PIGN: variants seen among roughly 807,000 people sequenced by gnomAD.
PIGN encodes the protein phosphatidylinositol glycan anchor biosynthesis class N.
PIGN carries 117 observed loss-of-function variants against 125.4 expected under a neutral mutation model. That is an observed-to-expected ratio of 0.93 (90% CI 0.80 to 1.09). PIGN has a LOEUF of 1.09. Among genes scored for constraint, PIGN ranks in the 50% least tolerant of loss-of-function variants. The pLI is 0.00. For synonymous variants in PIGN, 392 were observed against 377.8 expected (o/e 1.04, Z -0.44); for missense variants, 1,075 against 1,094.9 (o/e 0.98, Z 0.26).
At chr18:62,105,287 CA>C (rs200304462) in intron 20 of PIGN, 337 of 254,932 alleles carry the variant, frequency 1.3e-3, no homozygotes, top group East Asian at 2.2e-3. Context: ...TAGACTTAAA[CA>C]AAAAAAAATG....
chr18:62,125,791 T>G (rs1385525193), intron 14 of PIGN, among the ~76,000 whole-genome samples: 1 of 152,048 alleles, frequency 6.6e-6, no homozygotes, highest in African/African-American at 2.4e-5. Context: ...AAAAAACTTT[T>G]TTAAGTCTTG....
Position 62,102,812 on chromosome 18 carries a change from T to A in PIGN, c.1950A>T (p.Leu650=), listed in dbSNP as rs1324250879. The A allele has an allele frequency of 6.5e-7, 1 of 1,536,902 alleles. No homozygotes were observed. The change falls in exon 21 of 31, where the codon CTA becomes CTT. Residue 650 remains leucine (L), a synonymous_variant. Transcript: ENST00000640252. ...AACTGACCTGTAACAGATGTACCAA[T>A]AGCTCTTCCTTTATAAAGCTATCTT... is the stretch of plus-strand genomic sequence containing the variant. ...KRKDSFIKEE[L]LVHLLQVLST... is the part of the protein sequence containing the mutation.
rs1347174221 is a variant in PIGN at position 62,120,117 on chromosome 18, A to C, written c.1173-5478T>G. Among the ~76,000 whole-genome samples the C allele has an allele frequency of 3.3e-5, 5 of 152,166 alleles. No individual in the cohort carries two copies. In the South Asian group the frequency reaches 8.3e-4, roughly 25 times the overall value. ...GATTTAAGAACATCTACAAACCCCA[A>C]GCAAAATAAGTACAAAGAAAACCAT... On this transcript the variant is annotated intron_variant, in intron 14 of 30. Coordinates refer to ENST00000640252, the MANE Select transcript of PIGN (RefSeq NM_176787.5).
intron 14 of PIGN, among the ~76,000 whole-genome samples, chr18:62,125,787 CTTT>C (rs555342532): frequency 2.0e-4 from 30 of 152,010 alleles, no homozygotes; most frequent in Admixed American, 2.0e-4. Context: ...TACGAAAAAA[CTTT>C]TTTAAGTCTT....
intron 16 of PIGN, 38 bp downstream of exon 16, chr18:62,113,096 T>C: frequency 1.3e-6 from 2 of 1,496,684 alleles, no homozygotes; most frequent in Non-Finnish European, 1.8e-6. Context: ...CTAGTGATTT[T>C]ATACCATCAT....
chr18:62,062,725 A>G (rs563113011), intron 30 of PIGN, among the ~76,000 whole-genome samples: 18 of 152,182 alleles, frequency 1.2e-4, no homozygotes, highest in Non-Finnish European at 2.1e-4. Flanking sequence ...ATATGTATAC[A>G]TAAATCATTG....
At chr18:62,140,579 G>A (rs2036098286) in intron 11 of PIGN, 100 bp from the exon 12 acceptor site, 2 of 585,326 alleles carry the variant, frequency 3.4e-6, no homozygotes, top group African/African-American at 1.9e-5. Flanking sequence ...CATGATATTT[G>A]TTATAATCAG....
intron 7 of PIGN, among the ~76,000 whole-genome samples, chr18:62,148,584 AT>A (rs2036421374): frequency 6.6e-6 from 1 of 152,166 alleles, no homozygotes; most frequent in East Asian, 1.9e-4. Flanking sequence ...GGGGATCATA[AT>A]TTCATAGAGA....
Position 62,044,545 on chromosome 18 carries a change from T to C in PIGN, c.*1311A>G, listed in dbSNP as rs1002555942. 1.3e-5 allele frequency: 2 copies of C among 152,208 alleles called. No homozygotes were observed. Among genetic ancestry groups the C allele is most frequent in the African/African-American group, 4.8e-5 (2 of 41,448 alleles). 9.4% of individuals were successfully genotyped at this position (152,208 alleles called of 1,614,324 possible). A position where few individuals can be genotyped will look rare whatever the true frequency, so the allele number is the denominator to read the frequency against. On this transcript the variant is annotated 3_prime_UTR_variant, in exon 31 of 31. Transcript: ENST00000640252. ...GTTCTTTCACTGGTATACCATAAAG[T>C]AGTATTACAAATAAATTATGACTAT... is the stretch of plus-strand genomic sequence containing the variant.
At chr18:62,178,761 A>C (rs1488135585) in intron 1 of PIGN, among the ~76,000 whole-genome samples, 1 of 152,178 alleles carries the variant, frequency 6.6e-6, no homozygotes, top group Non-Finnish European at 1.5e-5. Context: ...TGTCATTTTT[A>C]ATTGTAAACT....
intron 1 of PIGN, among the ~76,000 whole-genome samples, chr18:62,182,596 A>G (rs1311612014): frequency 1.3e-5 from 2 of 152,226 alleles, no homozygotes; most frequent in Non-Finnish European, 2.9e-5. Context: ...TCTTATGCGA[A>G]CTACTGCAAT....
chr18:62,133,210 G>A (rs1212693200), intron 14 of PIGN, among the ~76,000 whole-genome samples: 1 of 152,190 alleles, frequency 6.6e-6, no homozygotes, highest in East Asian at 1.9e-4. Flanking sequence ...TGTTCAGTAG[G>A]TTAGGTGTAT....
At chr18:62,171,333 A>G (rs1373260613) in intron 1 of PIGN, among the ~76,000 whole-genome samples, 1 of 152,130 alleles carries the variant, frequency 6.6e-6, no homozygotes, top group Non-Finnish European at 1.5e-5. Context: ...TTGACCCTGT[A>G]CCCTGCAACA....
chr18:62,164,249 T>A (rs1446619675), intron 1 of PIGN, among the ~76,000 whole-genome samples: 1 of 152,220 alleles, frequency 6.6e-6, no homozygotes, highest in Non-Finnish European at 1.5e-5. Flanking sequence ...AGGAAATATT[T>A]GGTAAATATC....
intron 30 of PIGN, among the ~76,000 whole-genome samples, chr18:62,049,318 A>T (rs1460275124): frequency 2.6e-5 from 4 of 151,122 alleles, no homozygotes; most frequent in African/African-American, 9.7e-5. Context: ...CAGTCCCACC[A>T]ACAGTGTAAA....
Position 62,182,337 on chromosome 18 carries a change from A to C in PIGN, c.-236+4507T>G, listed in dbSNP as rs367571389. 5.4e-3 allele frequency among the ~76,000 whole-genome samples: 821 copies of C among 152,308 alleles called. 4 individuals carry two copies. Among genetic ancestry groups the C allele is most frequent in the African/African-American group, 0.019 (778 of 41,556 alleles). On this transcript the variant is annotated intron_variant, in intron 1 of 30. Transcript: ENST00000640252. ...ACGTTTCAAAGACACTCAACTAAGT[A>C]GGTTTAAAACCAAATTCATAACATT...
In PIGN at chr18:62,128,869, A is replaced by C. The variant is rs553054242; in HGVS notation, c.1172+9374T>G. 5.9e-5 allele frequency among the ~76,000 whole-genome samples: 9 copies of C among 152,306 alleles called. No homozygotes were observed. In the South Asian group the frequency reaches 1.9e-3, roughly 32 times the overall value. ...AATGTAAGGCAAAAATAAACTATTA[A>C]GTTTCTTCTATTTGGCTTCAAAATA... On this transcript the variant is annotated intron_variant, in intron 14 of 30. Transcript: ENST00000640252.
chr18:62,148,205 T>C lies in PIGN; in HGVS notation c.674+9A>G. On this transcript the variant is annotated intron_variant, in intron 8 of 30. Coordinates refer to ENST00000640252, the MANE Select transcript of PIGN (RefSeq NM_176787.5). ...CTAAAAAATACAATTAAACACAATA[T>C]TAAATTACCTCGAGGATGGTCGATG... 1 of 1,529,946 alleles carries C rather than the reference T, an allele frequency of 6.5e-7. No homozygotes were observed. Among genetic ancestry groups the C allele is most frequent in the Non-Finnish European group, 8.8e-7 (1 of 1,137,662 alleles). The allele number at this position is 1,529,946 out of a possible 1,614,324, so 94.8% of individuals were successfully genotyped here. A position where few individuals can be genotyped will look rare whatever the true frequency, so the allele number is the denominator to read the frequency against.
chr18:62,114,249 C>T (rs1292966243), intron 15 of PIGN, among the ~76,000 whole-genome samples: 1 of 151,952 alleles, frequency 6.6e-6, no homozygotes, highest in African/African-American at 2.4e-5. Flanking sequence ...GTAATCCCAG[C>T]TACTCAGGAG....
Sources: gnomAD v4.1 joint callset for allele counts (sites outside exome capture counted in the v4.1 genomes callset) on GRCh38, gnomAD v4.1.1 for gene constraint, MANE v1.5 for transcripts, NCBI Gene and HGNC (gene_info 2026-07-23, HGNC 2026-07-21) for gene names.